Variants in LSAMP observed in about 807,000 individuals in gnomAD.
The protein encoded by LSAMP is limbic system associated membrane protein.
LSAMP carries 7 observed loss-of-function variants against 38.6 expected under a neutral mutation model. The observed-to-expected ratio is 0.18, with a 90% CI of 0.10 to 0.34. The LOEUF (loss-of-function observed/expected upper bound fraction) is 0.34. Ranked by LOEUF, LSAMP falls within the 10% of genes least tolerant of loss-of-function variation. LSAMP has a pLI of 1.00. For synonymous variants in LSAMP, 154 were observed against 166.8 expected, an observed-to-expected ratio of 0.92 and a Z score of 0.59; for missense variants, 313 against 420.0, an observed-to-expected ratio of 0.75 and a Z score of 2.23.
intron 3 of LSAMP, among the ~76,000 whole-genome samples, chr3:115,928,642 T>A (rs1455930351): frequency 6.6e-6 from 1 of 152,154 alleles, no homozygotes; most frequent in African/African-American, 2.4e-5. Context: ...AGTGAAATGA[T>A]CCCTGGCAGG....
chr3:116,332,338 A>G (rs1342218100), intron 1 of LSAMP, among the ~76,000 whole-genome samples: 1 of 152,172 alleles, frequency 6.6e-6, no homozygotes, highest in African/African-American at 2.4e-5. Flanking sequence ...ATTGTTTGAC[A>G]TCAACAACTG....
intron 2 of LSAMP, among the ~76,000 whole-genome samples, chr3:116,036,764 CA>C (rs763064955): frequency 6.6e-6 from 1 of 152,100 alleles, no homozygotes; most frequent in Non-Finnish European, 1.5e-5. Flanking sequence ...TCACAACTTC[CA>C]TTCACAACTA....
At chr3:116,240,678 T>G (rs2046520863) in intron 1 of LSAMP, among the ~76,000 whole-genome samples, 1 of 152,212 alleles carries the variant, frequency 6.6e-6, no homozygotes, top group South Asian at 2.1e-4. Context: ...GTCCATGGAC[T>G]GTTGGACTTT....
At chr3:116,440,704 A>C (rs1223579835) in intron 1 of LSAMP, among the ~76,000 whole-genome samples, 2 of 152,224 alleles carry the variant, frequency 1.3e-5, no homozygotes, top group African/African-American at 4.8e-5. Flanking sequence ...GCTATACTCC[A>C]TCATTTACTA....
intron 1 of LSAMP, among the ~76,000 whole-genome samples, chr3:116,216,976 A>C (rs941995876): frequency 6.6e-6 from 1 of 152,216 alleles, no homozygotes; most frequent in Non-Finnish European, 1.5e-5. Flanking sequence ...ACTTAAAGTG[A>C]GGCTGTTCTT....
chr3:116,317,298 A>AC (rs1482486783), intron 1 of LSAMP, among the ~76,000 whole-genome samples: 1 of 147,650 alleles, frequency 6.8e-6, no homozygotes, highest in Non-Finnish European at 1.5e-5. Flanking sequence ...CCAGACCAGA[A>AC]CCCACTGGAA....
At chr3:116,138,266 A>C (rs1008737700) in intron 1 of LSAMP, among the ~76,000 whole-genome samples, 1 of 152,130 alleles carries the variant, frequency 6.6e-6, no homozygotes, top group Non-Finnish European at 1.5e-5. Context: ...TTGAGCTCCT[A>C]TTCTACACAA....
intron 3 of LSAMP, among the ~76,000 whole-genome samples, chr3:115,886,995 G>T (rs116804807): frequency 6.6e-6 from 1 of 151,834 alleles, no homozygotes; most frequent in Non-Finnish European, 1.5e-5. Flanking sequence ...CCATGACGGA[G>T]ACCTAATATG....
chr3:116,267,043 G>T (rs552899752), intron 1 of LSAMP, among the ~76,000 whole-genome samples: 1 of 152,226 alleles, frequency 6.6e-6, no homozygotes, highest in African/African-American at 2.4e-5. Context: ...ATCAATGCAG[G>T]TATTTCTAAC....
At position 115,840,885 on chromosome 3, in the gene LSAMP, T is replaced by A. The variant is rs542256788; in HGVS notation, c.919+960A>T. 5.3e-5 allele frequency among the ~76,000 whole-genome samples: 8 copies of A among 152,366 alleles called. No homozygotes were observed. In the East Asian group the frequency reaches 7.7e-4, roughly 15 times the overall value. On this transcript the variant is annotated intron_variant, in intron 6 of 6. Transcript: ENST00000490035. ...TCCAAAATAATAACAGTACTTTTTTTAGACTTTTCCCTTTAGTCCAAATGA... is the reference window on the plus strand; with the variant it reads ...TCCAAAATAATAACAGTACTTTTTTAAGACTTTTCCCTTTAGTCCAAATGA...
chr3:116,081,279 T>G (rs904867664), intron 2 of LSAMP, among the ~76,000 whole-genome samples: 1 of 151,940 alleles, frequency 6.6e-6, no homozygotes, highest in Non-Finnish European at 1.5e-5. Flanking sequence ...CTGGCCAACA[T>G]GATGAAACCT....
chr3:116,206,103 G>GAT (rs2046064387), intron 1 of LSAMP, among the ~76,000 whole-genome samples: 1 of 150,380 alleles, frequency 6.6e-6, no homozygotes, highest in Non-Finnish European at 1.5e-5. Flanking sequence ...TCTATTCAGA[G>GAT]ATTCAACTTC....
intron 1 of LSAMP, among the ~76,000 whole-genome samples, chr3:116,199,163 GA>G (rs1576426862): frequency 6.6e-6 from 1 of 151,266 alleles, no homozygotes; most frequent in Admixed American, 6.6e-5. Flanking sequence ...GTTTGCTTGT[GA>G]TTTTTTTTTT....
chr3:115,885,221 G>C (rs770074132), intron 3 of LSAMP, among the ~76,000 whole-genome samples: 1 of 151,940 alleles, frequency 6.6e-6, no homozygotes, highest in African/African-American at 2.4e-5. Flanking sequence ...CAGAATTTGC[G>C]TTTGTCTGTT....
intron 3 of LSAMP, among the ~76,000 whole-genome samples, chr3:116,013,746 T>C (rs1434396401): frequency 2.0e-5 from 3 of 152,166 alleles, no homozygotes; most frequent in Non-Finnish European, 4.4e-5. Flanking sequence ...AAAGAAAAAG[T>C]GTGATTAAAA....
chr3:116,114,730 A>T, intron 1 of LSAMP, among the ~76,000 whole-genome samples: 1 of 152,262 alleles, frequency 6.6e-6, no homozygotes, highest in East Asian at 1.9e-4. Context: ...CAATGAAAGC[A>T]CTGAAAGTGA....
chr3:115,838,318 C>G (rs995619643), intron 6 of LSAMP, among the ~76,000 whole-genome samples: 1 of 152,232 alleles, frequency 6.6e-6, no homozygotes, highest in African/African-American at 2.4e-5. Flanking sequence ...TTAAATCTAA[C>G]TCAACAAGAG....
intron 1 of LSAMP, among the ~76,000 whole-genome samples, chr3:116,182,836 A>G (rs1164172053): frequency 1.3e-5 from 2 of 151,732 alleles, no homozygotes; most frequent in Non-Finnish European, 2.9e-5. Context: ...TTTTTATTTT[A>G]TAGTAACCTT....
At chr3:115,950,574 T>G (rs915567558) in intron 3 of LSAMP, among the ~76,000 whole-genome samples, 3 of 151,946 alleles carry the variant, frequency 2.0e-5, no homozygotes, top group African/African-American at 7.3e-5. Flanking sequence ...CTACAAAACA[T>G]TGCCAAAAGA....
Sources: allele counts gnomAD v4.1 joint callset (sites outside exome capture counted in the v4.1 genomes callset), GRCh38; gene constraint gnomAD v4.1.1; transcripts MANE v1.5; gene names NCBI Gene and HGNC (gene_info 2026-07-23, HGNC 2026-07-21).